Variants in DYNC2LI1 observed in about 807,000 individuals in gnomAD.
DYNC2LI1 encodes dynein cytoplasmic 2 light intermediate chain 1.
A neutral mutation model predicts 51.9 loss-of-function variants in DYNC2LI1; 45 were observed. That is an observed-to-expected ratio of 0.87 (90% CI 0.68 to 1.11). DYNC2LI1 has a LOEUF of 1.11. Among genes scored for constraint, DYNC2LI1 ranks in the 50% most tolerant of loss-of-function variants. DYNC2LI1 has a pLI of 0.00. For missense variants in DYNC2LI1, 490 were observed against 417.4 expected (o/e 1.17, Z -1.51); for synonymous variants, 130 against 137.8 (o/e 0.94, Z 0.40).
the DYNC2LI1 span, chr2:43,824,527 C>T: frequency 5.0e-6 from 8 of 1,593,418 alleles, no homozygotes; most frequent in Middle Eastern, 1.7e-4. Context: ...GCCATAATAC[C>T]TCATCCCATC....
At chr2:43,788,274 T>C (rs1470359009) in intron 4 of DYNC2LI1, among the ~76,000 whole-genome samples, 1 of 152,200 alleles carries the variant, frequency 6.6e-6, no homozygotes, top group Non-Finnish European at 1.5e-5. Context: ...CAAACAATTG[T>C]AGAGATTACA....
intron 2 of DYNC2LI1, 79 bp downstream of exon 2, chr2:43,776,978 G>A (rs1673056105): frequency 2.6e-6 from 2 of 762,478 alleles, no homozygotes; most frequent in Non-Finnish European, 4.4e-6. Flanking sequence ...TGATTAAAAT[G>A]TAGATACTTC....
At chr2:43,792,686 C>T in intron 5 of DYNC2LI1, 2 of 1,546,290 alleles carry the variant, frequency 1.3e-6, no homozygotes, top group Non-Finnish European at 1.7e-6. Flanking sequence ...CTCCTGGCAA[C>T]TATCATCCCT....
the DYNC2LI1 span, chr2:43,820,193 A>G: frequency 6.8e-7 from 1 of 1,462,518 alleles, no homozygotes; most frequent in Non-Finnish European, 9.4e-7. Context: ...CTTTGTGGTG[A>G]GTGGGTGGGA....
At chr2:43,792,873 A>C in intron 5 of DYNC2LI1, 2 of 1,397,960 alleles carry the variant, frequency 1.4e-6, no homozygotes, top group Non-Finnish European at 1.9e-6. Context: ...TGTGTAAACA[A>C]ATACCACAGT....
chr2:43,800,825 C>T lies in DYNC2LI1; in HGVS notation c.655-16C>T, dbSNP rs760966012. ...GAAAATAGAGCATGTAATTTGTTCT[C>T]CTGATTTGTTTAAAGTTTACCAGTA... On this transcript the variant is annotated splice_polypyrimidine_tract_variant and intron_variant, in intron 8 of 12. Coordinates refer to ENST00000260605, the MANE Select transcript of DYNC2LI1 (RefSeq NM_016008.4). 6.8e-6 allele frequency: 10 copies of T among 1,463,192 alleles called. No homozygotes were observed. The African/African-American group carries it at 8.5e-5, about 12-fold the overall frequency. The allele number at this position is 1,463,192 out of a possible 1,614,324, so 90.6% of individuals were successfully genotyped here.
the DYNC2LI1 span, among the ~76,000 whole-genome samples, chr2:43,818,316 C>CTGAAT: frequency 6.6e-6 from 1 of 152,104 alleles, no homozygotes; most frequent in Admixed American, 6.5e-5. Context: ...TGGTGGCGCA[C>CTGAAT]ACCTGTAATC....
chr2:43,816,916 A>G, the DYNC2LI1 span, among the ~76,000 whole-genome samples: 1 of 152,230 alleles, frequency 6.6e-6, no homozygotes, highest in Non-Finnish European at 1.5e-5. Context: ...AAGAACTTGC[A>G]TGATTTTGTA....
chr2:43,824,679 C>T, the DYNC2LI1 span: 15 of 974,740 alleles, frequency 1.5e-5, no homozygotes, highest in Admixed American at 6.2e-5. Flanking sequence ...AGTAGCAGTG[C>T]GCCAGTTTGT....
intron 8 of DYNC2LI1, among the ~76,000 whole-genome samples, chr2:43,797,769 C>A (rs888349899): frequency 6.6e-6 from 1 of 152,022 alleles, no homozygotes. Context: ...CGACCCTCCT[C>A]GGCCTCCCAA....
At chr2:43,783,794 T>C (rs1460593307) in intron 3 of DYNC2LI1, among the ~76,000 whole-genome samples, 3 of 152,242 alleles carry the variant, frequency 2.0e-5, no homozygotes, top group African/African-American at 7.2e-5. Context: ...TTACCATAAT[T>C]ACCCAACCTA....
At chr2:43,823,420 A>T in the DYNC2LI1 span, among the ~76,000 whole-genome samples, 1 of 151,998 alleles carries the variant, frequency 6.6e-6, no homozygotes, top group Non-Finnish European at 1.5e-5. Context: ...CTTCCCTCTT[A>T]TTCCCTAACA....
intron 8 of DYNC2LI1, among the ~76,000 whole-genome samples, chr2:43,800,101 G>C (rs1406262975): frequency 6.6e-6 from 1 of 152,064 alleles, no homozygotes; most frequent in Non-Finnish European, 1.5e-5. Flanking sequence ...TAGTCATTTT[G>C]ACTTGGCTGT....
chr2:43,820,131 T>C, the DYNC2LI1 span: 1 of 1,603,328 alleles, frequency 6.2e-7, no homozygotes, highest in Non-Finnish European at 8.5e-7. Context: ...TAGTTTCCTC[T>C]CCAAGGGCTA....
rs1358427550 is a variant in DYNC2LI1, at chr2:43,778,289, A to T, written c.126+1390A>T. On this transcript the variant is annotated intron_variant, in intron 2 of 12. Transcript: ENST00000260605. ...GGTGATTTTACCTCAAGTAGCTGGG[A>T]TTACAGGCATGCGCCACCACACCCG... Among the ~76,000 whole-genome samples, 3 of 151,996 alleles carry T rather than the reference A, an allele frequency of 2.0e-5. No homozygotes were observed. The East Asian group carries it at 5.8e-4, about 29-fold the overall frequency.
chr2:43,827,967 T>G, the DYNC2LI1 span: 1 of 1,613,792 alleles, frequency 6.2e-7, no homozygotes, highest in South Asian at 1.1e-5. Flanking sequence ...TAGTAACAGT[T>G]CTGGGTGCCA....
the DYNC2LI1 span, among the ~76,000 whole-genome samples, chr2:43,819,432 A>G: frequency 6.6e-6 from 1 of 151,836 alleles, no homozygotes; most frequent in Admixed American, 6.6e-5. Context: ...CATTTGGTGC[A>G]TATCCTTTAA....
At chr2:43,780,594 G>A (rs777887033) in intron 2 of DYNC2LI1, among the ~76,000 whole-genome samples, 5 of 152,166 alleles carry the variant, frequency 3.3e-5, no homozygotes, top group African/African-American at 1.2e-4. Flanking sequence ...TTCAGGGTAA[G>A]TCATATTTTA....
intron 4 of DYNC2LI1, among the ~76,000 whole-genome samples, chr2:43,788,398 T>A (rs1220670478): frequency 6.6e-6 from 1 of 152,236 alleles, no homozygotes; most frequent in Non-Finnish European, 1.5e-5. Context: ...TTGTGTAATT[T>A]TTTTTCTAAA....
Sources: gnomAD v4.1 joint callset for allele counts (sites outside exome capture counted in the v4.1 genomes callset) on GRCh38, gnomAD v4.1.1 for gene constraint, MANE v1.5 for transcripts, NCBI Gene and HGNC (gene_info 2026-07-23, HGNC 2026-07-21) for gene names.